Variants in TRIM71 observed in about 807,000 individuals in gnomAD.
TRIM71 encodes the protein E3 ubiquitin-protein ligase TRIM71.
Under a neutral mutation model 61.2 loss-of-function variants are expected in TRIM71, and 9 were observed. That is an observed-to-expected ratio of 0.15 (90% CI 0.09 to 0.26). The LOEUF (loss-of-function observed/expected upper bound fraction) is 0.26. TRIM71 is among the 10% of genes least tolerant of loss of function. TRIM71 has a pLI of 1.00. For missense variants in TRIM71, 998 were observed against 1,238.7 expected, an observed-to-expected ratio of 0.81 and a Z score of 2.92; for synonymous variants, 645 against 553.2, an observed-to-expected ratio of 1.17 and a Z score of -2.33.
chr3:32,859,291 C>G (rs908458108), intron 1 of TRIM71, among the ~76,000 whole-genome samples: 2 of 152,106 alleles, frequency 1.3e-5, no homozygotes, highest in African/African-American at 4.8e-5. Flanking sequence ...GACAGTGTCT[C>G]GCTTTATTGC....
At chr3:32,855,062 A>C (rs1475033004) in intron 1 of TRIM71, among the ~76,000 whole-genome samples, 1 of 152,178 alleles carries the variant, frequency 6.6e-6, no homozygotes, top group Non-Finnish European at 1.5e-5. Context: ...TACTCTTCTT[A>C]CTGTGCCTAA....
chr3:32,874,364 T>TACAACA (rs1553646503), intron 2 of TRIM71, among the ~76,000 whole-genome samples: 1 of 109,386 alleles, frequency 9.1e-6, no homozygotes, highest in African/African-American at 3.0e-5. Context: ...CTACTACTAC[T>TACAACA]ACTACAACAT....
At chr3:32,836,805 C>A (rs954502096) in intron 1 of TRIM71, among the ~76,000 whole-genome samples, 2 of 152,150 alleles carry the variant, frequency 1.3e-5, no homozygotes, top group East Asian at 1.9e-4. Context: ...GTTGAGTGTT[C>A]ATGCTTCGTG....
Position 32,818,742 on chromosome 3 carries a change from A to G in TRIM71, c.662A>G (p.Asp221Gly). 1 of 1,602,752 alleles carries G rather than the reference A, an allele frequency of 6.2e-7. No individual in the cohort carries two copies. Among genetic ancestry groups the G allele is most frequent in the Non-Finnish European group, 8.5e-7 (1 of 1,178,056 alleles). ...RCLDCQEHLC[D>G]NCVRAHQRVR... ...CTCGACTGCCAGGAGCACCTGTGCG[A>G]CAACTGCGTCCGAGCGCACCAGCGC... Residue 221 changes from aspartate (D) to glycine (G), a missense_variant, in exon 1 of 4, where the codon GAC becomes GGC. Asp to Gly is a moderately conservative substitution (Grantham distance 94, BLOSUM62 -1). Transcript: ENST00000383763.
chr3:32,872,756 CTG>C (rs1041882259), intron 1 of TRIM71, among the ~76,000 whole-genome samples: 1 of 152,182 alleles, frequency 6.6e-6, no homozygotes, highest in African/African-American at 2.4e-5. Flanking sequence ...TTTGCTAACA[CTG>C]TGGCCTTGAG....
chr3:32,872,873 T>C (rs1696810559), intron 1 of TRIM71, among the ~76,000 whole-genome samples: 1 of 152,186 alleles, frequency 6.6e-6, no homozygotes, highest in Non-Finnish European at 1.5e-5. Context: ...CATGCCCAGG[T>C]GTACCAGAGG....
chr3:32,834,080 A>G (rs1575343206), intron 1 of TRIM71, among the ~76,000 whole-genome samples: 1 of 152,358 alleles, frequency 6.6e-6, no homozygotes, highest in Non-Finnish European at 1.5e-5. Context: ...AAGAAAAACC[A>G]CAGCTCTGTT....
intron 1 of TRIM71, among the ~76,000 whole-genome samples, chr3:32,830,921 G>A (rs1035571744): frequency 2.0e-5 from 3 of 152,012 alleles, no homozygotes; most frequent in Middle Eastern, 3.4e-3. Flanking sequence ...AGCGATTCTC[G>A]TGCCTCAGCC....
chr3:32,865,791 G>GCC (rs751562183), intron 1 of TRIM71, among the ~76,000 whole-genome samples: 1 of 50,334 alleles, frequency 2.0e-5, no homozygotes, highest in Non-Finnish European at 3.8e-5. Flanking sequence ...GCCGCCCGCC[G>GCC]GCCCCCCCCC....
At chr3:32,862,110 AGG>A (rs1283189825) in intron 1 of TRIM71, among the ~76,000 whole-genome samples, 1 of 152,178 alleles carries the variant, frequency 6.6e-6, no homozygotes, top group Non-Finnish European at 1.5e-5. Flanking sequence ...TTGCCTAGAA[AGG>A]TAACTGGCTC....
At chr3:32,857,174 C>T (rs545876149) in intron 1 of TRIM71, among the ~76,000 whole-genome samples, 1 of 152,344 alleles carries the variant, frequency 6.6e-6, no homozygotes, top group East Asian at 1.9e-4. Context: ...CCTGTTCCCT[C>T]TGTTTTACTT....
At chr3:32,838,629 T>A (rs918198534) in intron 1 of TRIM71, among the ~76,000 whole-genome samples, 2 of 151,246 alleles carry the variant, frequency 1.3e-5, no homozygotes, top group South Asian at 2.1e-4. Context: ...GCAGTTGATA[T>A]AGGGGAGCTA....
intron 1 of TRIM71, among the ~76,000 whole-genome samples, chr3:32,836,682 T>C (rs1444382281): frequency 6.6e-6 from 1 of 152,234 alleles, no homozygotes; most frequent in Non-Finnish European, 1.5e-5. Context: ...TTGTCCTTTT[T>C]TTCTTTGTAC....
intron 3 of TRIM71, 95 bp downstream of exon 3, chr3:32,886,163 A>T: frequency 7.1e-7 from 1 of 1,410,474 alleles, no homozygotes; most frequent in Non-Finnish European, 9.3e-7. Flanking sequence ...CCAGGAGCCA[A>T]GCTCTAAGTT....
intron 1 of TRIM71, among the ~76,000 whole-genome samples, chr3:32,857,318 T>C (rs1042494041): frequency 2.0e-5 from 3 of 152,260 alleles, no homozygotes; most frequent in African/African-American, 7.2e-5. Context: ...AAGCTATTTC[T>C]GATTTACCTG....
At chr3:32,882,714 T>A (rs796385370) in intron 2 of TRIM71, among the ~76,000 whole-genome samples, 9 of 152,216 alleles carry the variant, frequency 5.9e-5, no homozygotes, top group African/African-American at 2.2e-4. Flanking sequence ...GCCTGGCTAA[T>A]TTATTTTTTT....
chr3:32,886,328 A>G (rs1696961647), intron 3 of TRIM71, among the ~76,000 whole-genome samples: 1 of 152,228 alleles, frequency 6.6e-6, no homozygotes, highest in Non-Finnish European at 1.5e-5. Flanking sequence ...TTTATATTGC[A>G]TTCACTCAAA....
At chr3:32,847,670 C>G (rs1382563034) in intron 1 of TRIM71, among the ~76,000 whole-genome samples, 1 of 152,228 alleles carries the variant, frequency 6.6e-6, no homozygotes, top group Non-Finnish European at 1.5e-5. Flanking sequence ...CTGTCTTGAG[C>G]TCAGCTTTGT....
intron 1 of TRIM71, among the ~76,000 whole-genome samples, chr3:32,834,120 C>T (rs1484818511): frequency 6.6e-6 from 1 of 152,176 alleles, no homozygotes; most frequent in Non-Finnish European, 1.5e-5. Flanking sequence ...ATATTTGGAG[C>T]TTTGGGGCTC....
Sources: gnomAD v4.1 joint callset for allele counts (sites outside exome capture counted in the v4.1 genomes callset) on GRCh38, gnomAD v4.1.1 for gene constraint, MANE v1.5 for transcripts, NCBI Gene and HGNC (gene_info 2026-07-23, HGNC 2026-07-21) for gene names.